The following NBPF26 variants were observed in gnomAD, a reference collection of about 807,000 sequenced individuals.
NBPF26 encodes NBPF family member NBPF26.
A neutral mutation model predicts 119.6 loss-of-function variants in NBPF26; 79 were observed. That is an observed-to-expected ratio of 0.66 (90% CI 0.55 to 0.80). The LOEUF is 0.80. Among genes scored for constraint, NBPF26 ranks in the 30% least tolerant of loss-of-function variants. The probability of loss-of-function intolerance (pLI) is 0.00; values close to 1 mark genes in which losing one functional copy is unlikely to be tolerated. For synonymous variants in NBPF26, 299 were observed against 457.7 expected, an observed-to-expected ratio of 0.65 and a Z score of 4.43; for missense variants, 800 against 1,198.2, an observed-to-expected ratio of 0.67 and a Z score of 4.91.
At chr1:120,730,645 C>G (rs1316072009) in intron 1 of NBPF26, among the ~76,000 whole-genome samples, 1 of 111,448 alleles carries the variant, frequency 9.0e-6, no homozygotes, top group East Asian at 2.2e-4. Flanking sequence ...ACATTGTGGT[C>G]TTAAAAAGGA....
intron 2 of NBPF26, among the ~76,000 whole-genome samples, chr1:120,781,902 A>T (rs1465011425): frequency 0.086 from 9,675 of 112,050 alleles, 2,232 homozygotes; most frequent in Non-Finnish European, 0.11. Context: ...TTCCTCATAT[A>T]TAAAATGGAG....
intron 27 of NBPF26, among the ~76,000 whole-genome samples, chr1:120,838,539 TG>T (rs1652450656): frequency 1.4e-4 from 12 of 83,348 alleles, no homozygotes; most frequent in African/African-American, 6.1e-4. Context: ...TGTGTGTGTG[TG>T]TGTGTGTCTA....
rs1445491265 is a variant in NBPF26, at chr1:120,819,149, A to T, written c.2423+975A>T. On this transcript the variant is annotated intron_variant, in intron 15 of 29. Coordinates refer to ENST00000620612, the Ensembl canonical transcript of NBPF26. ...TAGGTCTCTCAGGACTTGCTTTATG[A>T]ATCTGGGTGCTCCTGTTTAGGGTGC... is the stretch of plus-strand genomic sequence containing the variant. Among the ~76,000 whole-genome samples, 10 of 124,698 alleles carry T rather than the reference A, an allele frequency of 8.0e-5. 2 individuals carry two copies. In the East Asian group the frequency reaches 1.2e-3, roughly 15 times the overall value. 81.8% of individuals were successfully genotyped at this position (124,698 alleles called of 152,430 possible).
intron 2 of NBPF26, among the ~76,000 whole-genome samples, chr1:120,777,926 G>A (rs1390318354): frequency 1.1e-5 from 1 of 94,590 alleles, no homozygotes; most frequent in Non-Finnish European, 1.9e-5. Context: ...AGGTGGGTTA[G>A]GCCTCCTGAA....
intron 10 of NBPF26, among the ~76,000 whole-genome samples, chr1:120,813,069 G>A (rs1378023265): frequency 8.4e-6 from 1 of 119,364 alleles, no homozygotes; most frequent in Admixed American, 8.0e-5. Flanking sequence ...CCGAGAATGT[G>A]TGGAGATAGC....
At position 120,724,121 on chromosome 1, in the gene NBPF26, T is replaced by A. The variant is rs1650785678; in HGVS notation, c.-57T>A. 5.9e-6 allele frequency: 8 copies of A among 1,345,970 alleles called. 1 individual carries two copies. Among genetic ancestry groups the A allele is most frequent in the Middle Eastern group, 2.4e-4 (1 of 4,088 alleles). The allele number at this position is 1,345,970 out of a possible 1,614,324, so 83.4% of individuals were successfully genotyped here. A position where few individuals can be genotyped will look rare whatever the true frequency, so the allele number is the denominator to read the frequency against. On this transcript the variant is annotated 5_prime_UTR_variant, in exon 1 of 30. Transcript: ENST00000620612. ...TATCGGGACCCCCTCCCCATGTGGA[T>A]CTGCCCAGGCGGCGGCGGCGGCGGC...
Position 120,793,872 on chromosome 1 carries a change from G to T in NBPF26, c.751+376G>T, listed in dbSNP as rs1236317928. The T allele has an allele frequency of 5.9e-5, 30 of 510,598 alleles. 5 individuals carry two copies. In the South Asian group the frequency reaches 6.2e-4, roughly 10 times the overall value. 31.6% of individuals were successfully genotyped at this position (510,598 alleles called of 1,614,324 possible). A position where few individuals can be genotyped will look rare whatever the true frequency, so the allele number is the denominator to read the frequency against. ...TGTGGTTAATAAAGTGCTTTAAACT[G>T]AATTGACATTAACAGTAGGTGATCA... On this transcript the variant is annotated intron_variant, in intron 4 of 29. Coordinates refer to ENST00000620612, the Ensembl canonical transcript of NBPF26.
rs1371018417 is a variant in NBPF26, at chr1:120,802,661, C to G, written c.752-2895C>G. On this transcript the variant is annotated intron_variant, in intron 4 of 29. Coordinates refer to ENST00000620612, the Ensembl canonical transcript of NBPF26. ...CTGCTCAGCTTACAAGAAAAGGAAT[C>G]ATACTGCTAAGAATTCAAACTTCAG... Among the ~76,000 whole-genome samples, 2 of 119,116 alleles carry G rather than the reference C, an allele frequency of 1.7e-5. 1 individual carries two copies. The highest frequency in any genetic ancestry group is 3.3e-5 in the Non-Finnish European group (2 of 61,260). The allele number at this position is 119,116 out of a possible 152,430, so 78.1% of individuals were successfully genotyped here.
At chr1:120,764,222 G>A (rs1175112835) in intron 2 of NBPF26, among the ~76,000 whole-genome samples, 1 of 114,854 alleles carries the variant, frequency 8.7e-6, no homozygotes, top group Non-Finnish European at 1.7e-5. Flanking sequence ...ACTCTAGCCT[G>A]GGTGACAGAG....
exon 30 of NBPF26, chr1:120,840,519 G>C: frequency 6.8e-7 from 1 of 1,474,210 alleles, no homozygotes; most frequent in South Asian, 1.2e-5. Context: ...CCTTTACGTG[G>C]ACAATAGGTT....
rs1652165184 is a variant in NBPF26, at chr1:120,823,320, GA to G, written c.2600del (p.Asp867ValfsTer3). ...GAATTTATTTGCAGGACATCGGTGG[GA>G]TCAAGTGAAAAAGGAGGACCACGAG... On this transcript the variant is annotated frameshift_variant, in exon 17 of 30. Coordinates refer to ENST00000620612, the Ensembl canonical transcript of NBPF26. LOFTEE classifies it high-confidence loss of function. 20 of 1,411,730 alleles carry G rather than the reference GA, an allele frequency of 1.4e-5. 6 individuals are homozygous for G. Among genetic ancestry groups the G allele is most frequent in the South Asian group, 9.6e-5 (8 of 83,214 alleles). The allele number at this position is 1,411,730 out of a possible 1,614,324, so 87.5% of individuals were successfully genotyped here.
chr1:120,806,430 T>C (rs1651685858), intron 5 of NBPF26, among the ~76,000 whole-genome samples: 1 of 109,972 alleles, frequency 9.1e-6, no homozygotes, highest in Admixed American at 9.0e-5. Context: ...CCATCTCCAC[T>C]AAAAATACAA....
intron 2 of NBPF26, among the ~76,000 whole-genome samples, chr1:120,765,379 C>A: frequency 1.6e-5 from 1 of 62,108 alleles, no homozygotes; most frequent in East Asian, 3.0e-4. Context: ...GTTTCTTTTG[C>A]TAGAATGTGA....
At position 120,776,043 on chromosome 1, in the gene NBPF26, GTATT is replaced by G. The variant is rs1486163120; in HGVS notation, c.156-8927_156-8924del. ...ACCCAGTTGTTCCCAAACTTCAAGTGTATTTATAGGGTCTTTTTAAGGGGTAAAG... is the reference window on the plus strand; with the variant it reads ...ACCCAGTTGTTCCCAAACTTCAAGTGTATAGGGTCTTTTTAAGGGGTAAAG... On this transcript the variant is annotated intron_variant, in intron 2 of 29. Transcript: ENST00000620612. Among the ~76,000 whole-genome samples the G allele has an allele frequency of 4.5e-5, 5 of 110,600 alleles. 2 individuals carry two copies. Among genetic ancestry groups the G allele is most frequent in the African/African-American group, 2.8e-4 (5 of 17,716 alleles). The allele number at this position is 110,600 out of a possible 152,430, so 72.6% of individuals were successfully genotyped here.
In NBPF26 at chr1:120,840,413, T is replaced by A; in HGVS notation, c.4167T>A (p.Cys1389Ter). 6.8e-7 allele frequency: 1 copy of A among 1,465,958 alleles called. No homozygotes were observed. The highest frequency in any genetic ancestry group is 9.2e-7 in the Non-Finnish European group (1 of 1,085,994). The allele number at this position is 1,465,958 out of a possible 1,614,324, so 90.8% of individuals were successfully genotyped here. ...TCTTGCAGGACTCACTGGATATATG[T>A]TATTCGACTCCGTCAATGTACTTTG... The change falls in exon 30 of 30, where the codon TGT becomes TGA. Residue 1389 changes from cysteine to a stop codon, truncating the protein, a stop_gained. Coordinates refer to ENST00000620612, the Ensembl canonical transcript of NBPF26. LOFTEE classifies it low-confidence loss of function (END_TRUNC).
rs1651395660 is a variant in NBPF26, at chr1:120,784,105, G to A, written c.156-869G>A. On this transcript the variant is annotated intron_variant, in intron 2 of 29. Coordinates refer to ENST00000620612, the Ensembl canonical transcript of NBPF26. ...GAAACAATAATTTGGAAAGGTAAAT[G>A]GGACCTCATGAAAGTGTGGGTTAAA... Among the ~76,000 whole-genome samples, 4 of 117,822 alleles carry A rather than the reference G, an allele frequency of 3.4e-5. 1 individual carries two copies. Among genetic ancestry groups the A allele is most frequent in the South Asian group, 5.0e-4 (2 of 4,026 alleles). 77.3% of individuals were successfully genotyped at this position (117,822 alleles called of 152,430 possible).
Position 120,791,348 on chromosome 1 carries a change from G to A in NBPF26, c.416-1813G>A, listed in dbSNP as rs1374540620. On this transcript the variant is annotated intron_variant, in intron 3 of 29. Coordinates refer to ENST00000620612, the Ensembl canonical transcript of NBPF26. Reference sequence around the variant, plus strand: ...TGCTGCTATAAAGACACATGCACACGTATGTTTATTGCGGCACTATTCACA... The same window carrying A: ...TGCTGCTATAAAGACACATGCACACATATGTTTATTGCGGCACTATTCACA... 2.3e-4 allele frequency among the ~76,000 whole-genome samples: 23 copies of A among 101,552 alleles called. 5 individuals carry two copies. The East Asian group carries it at 4.5e-3, about 20-fold the overall frequency. 66.6% of individuals were successfully genotyped at this position (101,552 alleles called of 152,430 possible).
intron 5 of NBPF26, 108 bp from the exon 6 acceptor site, chr1:120,807,499 C>T: frequency 2.0e-6 from 1 of 501,994 alleles, no homozygotes; most frequent in South Asian, 2.2e-5. Flanking sequence ...GACCCTGGTA[C>T]TGGGGAGAGT....
chr1:120,840,766 G>T (rs1157172415), downstream of NBPF26: 26 of 1,002,354 alleles, frequency 2.6e-5, 3 homozygotes, highest in Admixed American at 6.1e-4. Flanking sequence ...TCAGTCTGAA[G>T]ACAATGGACC....
Sources: gnomAD v4.1 joint callset for allele counts (sites outside exome capture counted in the v4.1 genomes callset) on GRCh38, gnomAD v4.1.1 for gene constraint, MANE v1.5 for transcripts, NCBI Gene and HGNC (gene_info 2026-07-23, HGNC 2026-07-21) for gene names.